The following SLC25A31 variants were observed in gnomAD, a reference collection of about 807,000 sequenced individuals.
The protein encoded by SLC25A31 is solute carrier family 25 member 31, also known as ADP/ATP translocase 4.
In SLC25A31, 40 loss-of-function variants were observed where a neutral mutation model predicts 36.2. The observed-to-expected ratio is 1.10, with a 90% confidence interval of 0.86 to 1.44. The LOEUF is 1.44. Ranked by LOEUF, SLC25A31 falls within the 40% of genes most tolerant of loss-of-function variation. The pLI is 0.00. For missense variants in SLC25A31, 350 were observed against 397.1 expected, an observed-to-expected ratio of 0.88 and a Z score of 1.01; for synonymous variants, 143 against 149.7, an observed-to-expected ratio of 0.96 and a Z score of 0.32.
intron 4 of SLC25A31, 67 bp from the exon 5 acceptor site, chr4:127,768,685 C>A: frequency 7.5e-7 from 1 of 1,333,108 alleles, no homozygotes; most frequent in Non-Finnish European, 1.0e-6. Context: ...AAAAATTATC[C>A]TTTAACTTAA....
At position 127,730,438 on chromosome 4, in the gene SLC25A31, T is replaced by C; in HGVS notation, c.-108T>C. 1 of 1,226,288 alleles carries C rather than the reference T, an allele frequency of 8.2e-7. No individual in the cohort carries two copies. The highest frequency in any genetic ancestry group is 1.5e-5 in the South Asian group (1 of 68,634). 76.0% of individuals were successfully genotyped at this position (1,226,288 alleles called of 1,614,324 possible). ...TCTCTCAGCGTCCCAAGAGCCACTT[T>C]CTCGCCAGTACGATGCTGCAGCGGT... On this transcript the variant is annotated 5_prime_UTR_variant, in exon 1 of 6. Transcript: ENST00000281154.
intron 1 of SLC25A31, among the ~76,000 whole-genome samples, chr4:127,738,811 AG>A (rs1731681362): frequency 6.6e-6 from 1 of 152,194 alleles, no homozygotes; most frequent in African/African-American, 2.4e-5. Context: ...GTATATATTT[AG>A]GATAGTTAAA....
chr4:127,730,435 CTT>C lies in SLC25A31; in HGVS notation c.-109_-108del. On this transcript the variant is annotated 5_prime_UTR_variant, in exon 1 of 6. Transcript: ENST00000281154. ...GGCTCTCTCAGCGTCCCAAGAGCCA[CTT>C]TCTCGCCAGTACGATGCTGCAGCGG... The C allele has an allele frequency of 8.2e-7, 1 of 1,214,380 alleles. No homozygotes were observed. The highest frequency in any genetic ancestry group is 1.2e-6 in the Non-Finnish European group (1 of 865,746). The allele number at this position is 1,214,380 out of a possible 1,614,324, so 75.2% of individuals were successfully genotyped here.
intron 2 of SLC25A31, among the ~76,000 whole-genome samples, chr4:127,757,306 T>C (rs566271409): frequency 6.6e-6 from 1 of 152,254 alleles, no homozygotes; most frequent in Admixed American, 6.5e-5. Context: ...GCTTTTGGAG[T>C]TGCCAGTGTC....
intron 5 of SLC25A31, among the ~76,000 whole-genome samples, chr4:127,771,211 C>A (rs576234509): frequency 6.6e-6 from 1 of 152,134 alleles, no homozygotes; most frequent in South Asian, 2.1e-4. Context: ...CCCACCACAG[C>A]CTCCCGAAGT....
chr4:127,748,885 G>C (rs1449912510), intron 2 of SLC25A31, among the ~76,000 whole-genome samples: 2 of 152,062 alleles, frequency 1.3e-5, no homozygotes, highest in African/African-American at 4.8e-5. Flanking sequence ...GGCAACCAGG[G>C]CATCACCAAA....
intron 3 of SLC25A31, among the ~76,000 whole-genome samples, chr4:127,766,325 G>C (rs376280022): frequency 6.6e-6 from 1 of 151,692 alleles, no homozygotes; most frequent in African/African-American, 2.4e-5. Flanking sequence ...CCACCACGAC[G>C]CCTGGCTAAT....
At chr4:127,747,075 A>G (rs1731840491) in intron 2 of SLC25A31, among the ~76,000 whole-genome samples, 2 of 152,186 alleles carry the variant, frequency 1.3e-5, no homozygotes, top group African/African-American at 2.4e-5. Flanking sequence ...CAAAGATTAG[A>G]TGACTGTAGA....
In SLC25A31 at chr4:127,730,590, T is replaced by A; in HGVS notation, c.45T>A (p.Phe15Leu). The change falls in exon 1 of 6, where the codon TTT becomes TTA. Residue 15 changes from phenylalanine to leucine, a missense_variant. Transcript: ENST00000281154. ...PAKKKAEKRL[F>L]DASSFGKDLL... ...AAAAGAAGGCAGAAAAGCGGCTGTTTGACGCCTCATCCTTCGGGAAGGACC... is the reference window on the plus strand; with the variant it reads ...AAAAGAAGGCAGAAAAGCGGCTGTTAGACGCCTCATCCTTCGGGAAGGACC... 6.2e-7 allele frequency: 1 copy of A among 1,614,072 alleles called. No homozygotes were observed. The highest frequency in any genetic ancestry group is 2.2e-5 in the East Asian group (1 of 44,876).
intron 4 of SLC25A31, among the ~76,000 whole-genome samples, chr4:127,768,506 A>G (rs1560641326): frequency 6.6e-6 from 1 of 152,066 alleles, no homozygotes; most frequent in Non-Finnish European, 1.5e-5. Context: ...CCCTAGTTTT[A>G]TGTGCATTAA....
intron 1 of SLC25A31, among the ~76,000 whole-genome samples, chr4:127,743,792 T>C (rs1460475506): frequency 1.3e-5 from 2 of 152,260 alleles, no homozygotes; most frequent in Admixed American, 6.5e-5. Flanking sequence ...TATGTACTTA[T>C]CTAACTTTGT....
intron 3 of SLC25A31, among the ~76,000 whole-genome samples, 163 bp downstream of exon 3, chr4:127,764,523 C>A (rs1426009137): frequency 1.3e-5 from 2 of 152,134 alleles, no homozygotes; most frequent in Admixed American, 6.5e-5. Flanking sequence ...TTACTTGCTT[C>A]TTTTCCCTTA....
At chr4:127,750,330 G>A (rs949743866) in intron 2 of SLC25A31, among the ~76,000 whole-genome samples, 9 of 152,136 alleles carry the variant, frequency 5.9e-5, no homozygotes, top group African/African-American at 2.2e-4. Flanking sequence ...AGTCAAAAAT[G>A]CATTTAATGC....
intron 5 of SLC25A31, among the ~76,000 whole-genome samples, chr4:127,770,113 G>A (rs943892761): frequency 8.5e-5 from 13 of 152,120 alleles, no homozygotes; most frequent in African/African-American, 2.7e-4. Context: ...AAACTAACCC[G>A]TTACTTCACT....
intron 1 of SLC25A31, among the ~76,000 whole-genome samples, chr4:127,731,731 C>G (rs1731530432): frequency 6.6e-6 from 1 of 152,052 alleles, no homozygotes; most frequent in South Asian, 2.1e-4. Context: ...CGAAGCCCCT[C>G]TCTTTCAACT....
chr4:127,731,499 A>G (rs1560628985), intron 1 of SLC25A31, among the ~76,000 whole-genome samples: 2 of 152,166 alleles, frequency 1.3e-5, no homozygotes, highest in South Asian at 4.1e-4. Flanking sequence ...GCTCGAGCTC[A>G]GGAGTTCTAG....
chr4:127,767,067 T>A lies in SLC25A31; in HGVS notation c.480T>A (p.Gly160=). 1 of 1,608,598 alleles carries A rather than the reference T, an allele frequency of 6.2e-7. No individual in the cohort carries two copies. The highest frequency in any genetic ancestry group is 8.5e-7 in the Non-Finnish European group (1 of 1,177,944). Residue 160 remains glycine (G), a splice_region_variant and synonymous_variant, in exon 4 of 6, where the codon GGT becomes GGA. Coordinates refer to ENST00000281154, the MANE Select transcript of SLC25A31 (RefSeq NM_031291.4). The part of the protein sequence containing the change: ...RTRLGVDIGK[G]PEERQFKGLG... ...AGATTTTAAATGGCTTTATTTTAGGTCCTGAGGAGCGACAATTCAAGGGTT... is the reference window on the plus strand; with the variant it reads ...AGATTTTAAATGGCTTTATTTTAGGACCTGAGGAGCGACAATTCAAGGGTT...
intron 1 of SLC25A31, among the ~76,000 whole-genome samples, chr4:127,743,685 T>A (rs1250505530): frequency 6.6e-6 from 1 of 152,246 alleles, no homozygotes. Context: ...CTGAATTGTC[T>A]TTGTGTAATC....
At chr4:127,744,533 A>G (rs1731787809) in intron 1 of SLC25A31, 139 bp from the exon 2 acceptor site, 2 of 680,906 alleles carry the variant, frequency 2.9e-6, no homozygotes, top group South Asian at 8.6e-5. Context: ...TTCAATGGAG[A>G]CACACATTTT....
Sources: gnomAD v4.1 joint callset for allele counts (sites outside exome capture counted in the v4.1 genomes callset) on GRCh38, gnomAD v4.1.1 for gene constraint, MANE v1.5 for transcripts, NCBI Gene and HGNC (gene_info 2026-07-23, HGNC 2026-07-21) for gene names.